Variants in WARS1 observed in about 807,000 individuals in gnomAD.
The protein encoded by WARS1 is tryptophanyl-tRNA synthetase 1.
A neutral mutation model predicts 47.8 loss-of-function variants in WARS1; 17 were observed. The ratio of observed to expected loss-of-function variants is 0.36; its 90% CI spans 0.24 to 0.53. The LOEUF is 0.53. Ranked by LOEUF, WARS1 falls within the 20% of genes least tolerant of loss-of-function variation. WARS1 has a pLI of 0.91. For synonymous variants in WARS1, 208 were observed against 228.1 expected (o/e 0.91, Z 0.79); for missense variants, 434 against 608.0 (o/e 0.71, Z 3.01).
At chr14:100,360,184 G>A (rs1895571943) in intron 4 of WARS1, among the ~76,000 whole-genome samples, 1 of 152,206 alleles carries the variant, frequency 6.6e-6, no homozygotes, top group African/African-American at 2.4e-5. Flanking sequence ...AGAGGGTTTG[G>A]AATTTCAGGA....
At chr14:100,366,939 T>C (rs878965633) in intron 2 of WARS1, 1 of 1,590,998 alleles carries the variant, frequency 6.3e-7, no homozygotes, top group Non-Finnish European at 8.6e-7. Context: ...TACCTGGAAG[T>C]ATCATAGTGG....
chr14:100,350,189 C>T (rs1051150640), intron 6 of WARS1, among the ~76,000 whole-genome samples: 1 of 111,966 alleles, frequency 8.9e-6, no homozygotes, highest in Non-Finnish European at 1.9e-5. Context: ...TGAGGTCGTT[C>T]GAGACCAGCC....
chr14:100,375,911 T>C (rs1896631465), upstream of WARS1: 1 of 152,370 alleles, frequency 6.6e-6, no homozygotes, highest in Admixed American at 6.5e-5. Flanking sequence ...TGGAGAAGCC[T>C]GCTAACATTA....
chr14:100,356,108 T>C (rs1566854732), intron 4 of WARS1, among the ~76,000 whole-genome samples: 1 of 152,196 alleles, frequency 6.6e-6, no homozygotes, highest in Non-Finnish European at 1.5e-5. Flanking sequence ...GGGAACCCAG[T>C]TACCTGCCCA....
intron 2 of WARS1, chr14:100,366,984 T>A: frequency 7.7e-7 from 1 of 1,297,362 alleles, no homozygotes; most frequent in Non-Finnish European, 1.1e-6. Context: ...TTCTTCACTG[T>A]AGCCTACTCG....
chr14:100,354,682 A>G, intron 4 of WARS1, 116 bp from the exon 5 acceptor site: 4 of 1,222,564 alleles, frequency 3.3e-6, no homozygotes, highest in African/African-American at 3.0e-5. Flanking sequence ...GATAATAACT[A>G]GAATTTGTTA....
chr14:100,365,992 C>T (rs1483647737), intron 2 of WARS1: 6 of 455,628 alleles, frequency 1.3e-5, no homozygotes, highest in Admixed American at 7.1e-5. Context: ...AAAACAGGAG[C>T]GCTGGTTGAA....
At chr14:100,339,907 G>A (rs1374014979) in intron 9 of WARS1, 1 of 152,250 alleles carries the variant, frequency 6.6e-6, no homozygotes, top group African/African-American at 2.4e-5. Flanking sequence ...TGTTTTTCAA[G>A]ATGTGCTGGC....
intron 1 of WARS1, chr14:100,374,333 G>C (rs1161426046): frequency 6.6e-6 from 1 of 152,174 alleles, no homozygotes; most frequent in Non-Finnish European, 1.5e-5. Flanking sequence ...AAAGTACTGG[G>C]CGTGTAAAGA....
chr14:100,362,028 C>T, intron 2 of WARS1, 107 bp from the exon 3 acceptor site: 2 of 1,174,572 alleles, frequency 1.7e-6, no homozygotes, highest in South Asian at 2.8e-5. Context: ...ACACGTGTTA[C>T]CTTAGTTAGT....
intron 3 of WARS1, 29 bp from the exon 4 acceptor site, chr14:100,360,691 A>G (rs764303247): frequency 6.6e-7 from 1 of 1,526,500 alleles, no homozygotes; most frequent in South Asian, 1.1e-5. Flanking sequence ...TGACTTTCTT[A>G]GGTGGCAGGA....
chr14:100,354,986 C>G (rs1199122934), intron 4 of WARS1, among the ~76,000 whole-genome samples: 2 of 152,202 alleles, frequency 1.3e-5, no homozygotes, highest in African/African-American at 4.8e-5. Flanking sequence ...ACCAGACAGT[C>G]CTGGCTTAGC....
intron 4 of WARS1, among the ~76,000 whole-genome samples, chr14:100,355,584 C>A (rs935721873): frequency 2.0e-5 from 3 of 152,096 alleles, no homozygotes; most frequent in Non-Finnish European, 2.9e-5. Context: ...GGGAAACCAA[C>A]GCTCGAGGAT....
chr14:100,363,716 C>A (rs1895788570), intron 2 of WARS1, among the ~76,000 whole-genome samples: 1 of 152,130 alleles, frequency 6.6e-6, no homozygotes, highest in Non-Finnish European at 1.5e-5. Flanking sequence ...CCCAGAACAT[C>A]AGTTTTTTTT....
chr14:100,365,261 G>A (rs968932088), intron 2 of WARS1, among the ~76,000 whole-genome samples: 1 of 126,824 alleles, frequency 7.9e-6, no homozygotes, highest in Non-Finnish European at 1.9e-5. Flanking sequence ...TGTTTGAAAA[G>A]ATAACAGATA....
intron 2 of WARS1, chr14:100,366,517 G>A (rs936432923): frequency 1.1e-5 from 5 of 475,896 alleles, no homozygotes; most frequent in African/African-American, 9.8e-5. Flanking sequence ...AACAAATTAA[G>A]ATGGAAGAAA....
intron 2 of WARS1, among the ~76,000 whole-genome samples, chr14:100,364,345 T>C (rs758512328): frequency 6.6e-5 from 10 of 152,198 alleles, no homozygotes; most frequent in Non-Finnish European, 1.2e-4. Flanking sequence ...AATGAGCTGC[T>C]GCTACTGAAG....
At chr14:100,335,129 A>C in intron 10 of WARS1, 93 bp from the exon 11 acceptor site, 1 of 1,298,520 alleles carries the variant, frequency 7.7e-7, no homozygotes, top group Non-Finnish European at 1.1e-6. Flanking sequence ...CACACCACCC[A>C]TGCAGAGCCT....
intron 6 of WARS1, among the ~76,000 whole-genome samples, chr14:100,350,471 C>T (rs931344880): frequency 6.6e-6 from 1 of 150,712 alleles, no homozygotes; most frequent in Non-Finnish European, 1.5e-5. Flanking sequence ...ACCGCAGTTG[C>T]CAAAGAGACA....
Sources: gnomAD v4.1 joint callset for allele counts (sites outside exome capture counted in the v4.1 genomes callset) on GRCh38, gnomAD v4.1.1 for gene constraint, MANE v1.5 for transcripts, NCBI Gene and HGNC (gene_info 2026-07-23, HGNC 2026-07-21) for gene names.